The following NEDD4 variants were observed in gnomAD, a reference collection of about 807,000 sequenced individuals.
NEDD4 encodes the protein NEDD4 E3 ubiquitin protein ligase.
In NEDD4, 99 loss-of-function variants were observed where a neutral mutation model predicts 144.9. That is an observed-to-expected ratio of 0.68 (90% CI 0.58 to 0.81). The LOEUF is 0.81. Ranked by LOEUF, NEDD4 falls within the 30% of genes least tolerant of loss-of-function variation. NEDD4 has a pLI of 0.00. For synonymous variants in NEDD4, 318 were observed against 350.6 expected (o/e 0.91, Z 1.04); for missense variants, 985 against 1,065.9 (o/e 0.92, Z 1.06).
At chr15:55,940,555 C>CTCTCTCTCT (rs2036982662) in intron 4 of NEDD4, among the ~76,000 whole-genome samples, 1 of 120,934 alleles carries the variant, frequency 8.3e-6, no homozygotes. Flanking sequence ...TGCCTCTCTG[C>CTCTCTCTCT]CTCTCTCTGT....
intron 5 of NEDD4, chr15:55,917,155 C>T: frequency 7.4e-6 from 8 of 1,080,276 alleles, no homozygotes; most frequent in Non-Finnish European, 7.9e-6. Flanking sequence ...CACAGCCAAC[C>T]TTGTTTCAAT....
At chr15:55,842,225 C>T (rs1026014719) in intron 18 of NEDD4, 62 bp from the exon 19 acceptor site, 2 of 1,382,472 alleles carry the variant, frequency 1.4e-6, no homozygotes, top group South Asian at 1.2e-5. Flanking sequence ...AAACCCATCT[C>T]TCATAAAGTT....
chr15:55,840,254 G>T (rs1387399535), intron 21 of NEDD4, among the ~76,000 whole-genome samples, 193 bp downstream of exon 21: 2 of 151,446 alleles, frequency 1.3e-5, no homozygotes, highest in African/African-American at 4.9e-5. Context: ...ATATACAACT[G>T]TCCAATGTAA....
chr15:55,955,000 TTGCAC>T (rs1191609856), intron 2 of NEDD4, among the ~76,000 whole-genome samples: 7 of 152,096 alleles, frequency 4.6e-5, no homozygotes, highest in Admixed American at 1.3e-4. Flanking sequence ...TTGTATTGCA[TTGCAC>T]TGCACTGCAC....
chr15:55,946,121 A>G (rs55959977), intron 4 of NEDD4, among the ~76,000 whole-genome samples: 1 of 152,066 alleles, frequency 6.6e-6, no homozygotes, highest in Non-Finnish European at 1.5e-5. Flanking sequence ...ACCAGTGAAC[A>G]TCATAATTAC....
intron 5 of NEDD4, among the ~76,000 whole-genome samples, chr15:55,920,304 T>C (rs2036545815): frequency 6.6e-6 from 1 of 152,116 alleles, no homozygotes; most frequent in Admixed American, 6.6e-5. Context: ...CCTTCACTAA[T>C]ACAACTGCTA....
chr15:55,907,222 AT>A (rs1289611757), intron 5 of NEDD4, among the ~76,000 whole-genome samples: 3 of 152,092 alleles, frequency 2.0e-5, no homozygotes, highest in Non-Finnish European at 4.4e-5. Context: ...AGAAAAGAAA[AT>A]TTTAAGGTCA....
chr15:55,885,854 T>C (rs1212786512), intron 5 of NEDD4, among the ~76,000 whole-genome samples: 4 of 151,066 alleles, frequency 2.6e-5, no homozygotes, highest in Non-Finnish European at 4.4e-5. Context: ...TGAACAATAA[T>C]AACACTGAAT....
intron 2 of NEDD4, among the ~76,000 whole-genome samples, chr15:55,952,313 G>A (rs970952038): frequency 1.3e-5 from 2 of 151,958 alleles, no homozygotes; most frequent in South Asian, 2.1e-4. Flanking sequence ...AAGCCTGGGC[G>A]ACAGAGCAAG....
At chr15:55,939,680 G>C (rs1381316328) in intron 4 of NEDD4, among the ~76,000 whole-genome samples, 1 of 152,146 alleles carries the variant, frequency 6.6e-6, no homozygotes, top group Admixed American at 6.5e-5. Flanking sequence ...AAAATTTTTA[G>C]ATTTTTTTAG....
At chr15:55,983,384 G>A (rs1213216872) in intron 1 of NEDD4, among the ~76,000 whole-genome samples, 1 of 152,156 alleles carries the variant, frequency 6.6e-6, no homozygotes, top group Non-Finnish European at 1.5e-5. Context: ...AGGCTTGCCT[G>A]ATCAGGCTAT....
intron 21 of NEDD4, among the ~76,000 whole-genome samples, chr15:55,839,572 T>C (rs771016602): frequency 6.6e-6 from 1 of 152,174 alleles, no homozygotes; most frequent in African/African-American, 2.4e-5. Flanking sequence ...TGTGAGGCTA[T>C]TCAGCAGCAC....
intron 6 of NEDD4, among the ~76,000 whole-genome samples, chr15:55,873,712 A>G (rs912237239): frequency 5.9e-5 from 9 of 152,300 alleles, no homozygotes; most frequent in Non-Finnish European, 1.3e-4. Flanking sequence ...TTTTTTACAC[A>G]ATGTTTTCAC....
rs767083781 is a variant in NEDD4, at chr15:55,838,603, T to C, written c.2033A>G (p.Asp678Gly). The C allele has an allele frequency of 8.2e-6, 13 of 1,595,036 alleles. No individual in the cohort carries two copies. The highest frequency in any genetic ancestry group is 1.1e-5 in the Non-Finnish European group (13 of 1,164,366). The change falls in exon 22 of 29, where the codon GAT becomes GGT. Residue 678 changes from aspartate to glycine, a missense_variant and splice_region_variant. Transcript: ENST00000435532. ...TCTTAGGGAATTGTAATATTCACTA[T>C]CCTAGATGGGAAAAATTACATATTT... ...PITLHDMESV[D>G]SEYYNSLRWI...
rs1318542665 is a variant in NEDD4 at position 55,914,892 on chromosome 15, GA to G, written c.291+9753del. On this transcript the variant is annotated intron_variant, in intron 5 of 28. Coordinates refer to ENST00000435532, the MANE Select transcript of NEDD4 (RefSeq NM_006154.4). Reference sequence around the variant, plus strand: ...AGAGGAGAAAACAAAATGATCATTTGAAAATAGGAATAAAGTATTGAGCTAC... The same window carrying G: ...AGAGGAGAAAACAAAATGATCATTTGAAATAGGAATAAAGTATTGAGCTAC... Among the ~76,000 whole-genome samples, 6 of 152,024 alleles carry G rather than the reference GA, an allele frequency of 3.9e-5. No homozygotes were observed. In the East Asian group the frequency reaches 1.2e-3, roughly 29 times the overall value.
chr15:55,950,658 G>A (rs770116565), intron 4 of NEDD4, among the ~76,000 whole-genome samples: 9 of 152,114 alleles, frequency 5.9e-5, no homozygotes, highest in African/African-American at 1.2e-4. Flanking sequence ...GTTAACGAGC[G>A]TCCCGGAGAA....
chr15:55,832,163 A>T, intron 27 of NEDD4, among the ~76,000 whole-genome samples: 1 of 144,912 alleles, frequency 6.9e-6, no homozygotes, highest in Non-Finnish European at 1.5e-5. Flanking sequence ...GCCTAATGAG[A>T]TTCTCCACCC....
intron 4 of NEDD4, among the ~76,000 whole-genome samples, chr15:55,944,210 G>C (rs2037065018): frequency 1.3e-5 from 2 of 152,218 alleles, no homozygotes; most frequent in Non-Finnish European, 2.9e-5. Context: ...AGTGCAAGGG[G>C]TCAGGGGATT....
chr15:55,950,066 C>T (rs1469190915), intron 4 of NEDD4, among the ~76,000 whole-genome samples: 1 of 151,950 alleles, frequency 6.6e-6, no homozygotes. Context: ...AAAACACTCT[C>T]CTAACCAACA....
Sources: allele counts gnomAD v4.1 joint callset (sites outside exome capture counted in the v4.1 genomes callset), GRCh38; gene constraint gnomAD v4.1.1; transcripts MANE v1.5; gene names NCBI Gene and HGNC (gene_info 2026-07-23, HGNC 2026-07-21).